The following AP1AR variants were observed in gnomAD, a reference collection of about 807,000 sequenced individuals.
The protein encoded by AP1AR is AP-1 complex-associated regulatory protein.
AP1AR carries 29 observed loss-of-function variants against 46.3 expected under a neutral mutation model. The observed-to-expected ratio is 0.63, with a 90% CI of 0.47 to 0.85. AP1AR has a LOEUF of 0.85. AP1AR is among the 40% of genes least tolerant of loss of function. The pLI is 0.00. For synonymous variants in AP1AR, 122 were observed against 122.9 expected (o/e 0.99, Z 0.05); for missense variants, 357 against 356.3 (o/e 1.00, Z -0.02).
At chr4:112,262,863 GCTTTGTAGAGATCAA>G in intron 5 of AP1AR, 110 bp from the exon 6 acceptor site, 2 of 695,126 alleles carry the variant, frequency 2.9e-6, no homozygotes, top group Non-Finnish European at 5.0e-6. Flanking sequence ...ATTCTGTTAT[GCTTTGTAGAGATCAA>G]TTATTTTTTA....
intron 1 of AP1AR, among the ~76,000 whole-genome samples, chr4:112,244,339 G>A (rs1339072934): frequency 3.9e-5 from 6 of 152,144 alleles, no homozygotes; most frequent in Non-Finnish European, 8.8e-5. Context: ...AAATTTTGAA[G>A]AAGGAAACTT....
In AP1AR at chr4:112,265,723, T is replaced by C; in HGVS notation, c.441-11T>C. ...TGAATATATTAAAAAATTATTTCAC[T>C]TTTATTACAGTTCAGGACCAGAAGA... On this transcript the variant is annotated splice_polypyrimidine_tract_variant and intron_variant, in intron 7 of 9. Coordinates refer to ENST00000274000, the MANE Select transcript of AP1AR (RefSeq NM_018569.6). 1 of 1,597,550 alleles carries C rather than the reference T, an allele frequency of 6.3e-7. No homozygotes were observed. The highest frequency in any genetic ancestry group is 1.1e-5 in the South Asian group (1 of 89,568).
rs2110493069 is a variant in AP1AR at position 112,264,992 on chromosome 4, A to G, written c.382-17A>G. 1 of 1,583,376 alleles carries G rather than the reference A, an allele frequency of 6.3e-7. No individual in the cohort carries two copies. Among genetic ancestry groups the G allele is most frequent in the Admixed American group, 1.9e-5 (1 of 53,986 alleles). ...TTACAACAGAGTGATTTTTTTTATT[A>G]CATTATGTTTCCAAAGCAAGAAAGG... On this transcript the variant is annotated splice_polypyrimidine_tract_variant and intron_variant, in intron 6 of 9. Transcript: ENST00000274000.
intron 9 of AP1AR, among the ~76,000 whole-genome samples, chr4:112,267,309 G>C (rs754349299): frequency 1.3e-5 from 2 of 151,866 alleles, no homozygotes; most frequent in Non-Finnish European, 2.9e-5. Context: ...TTTTAATTCT[G>C]TTACCAATGT....
intron 1 of AP1AR, among the ~76,000 whole-genome samples, chr4:112,243,701 T>C (rs1336035585): frequency 6.6e-6 from 1 of 152,186 alleles, no homozygotes; most frequent in Non-Finnish European, 1.5e-5. Context: ...ATTTAGATCA[T>C]TTCCAACTTC....
At chr4:112,255,740 G>C (rs977039924) in intron 3 of AP1AR, among the ~76,000 whole-genome samples, 2 of 152,206 alleles carry the variant, frequency 1.3e-5, no homozygotes, top group Non-Finnish European at 2.9e-5. Context: ...AAATACAGAA[G>C]TGTTAAAAAT....
chr4:112,237,540 C>T (rs1427388281), intron 1 of AP1AR, among the ~76,000 whole-genome samples: 2 of 152,088 alleles, frequency 1.3e-5, no homozygotes, highest in Admixed American at 6.5e-5. Context: ...TTATTAAAAC[C>T]TCCACCTCCC....
chr4:112,262,215 G>A (rs898458817), intron 5 of AP1AR, among the ~76,000 whole-genome samples: 2 of 152,176 alleles, frequency 1.3e-5, no homozygotes, highest in Admixed American at 6.5e-5. Context: ...TCTGGAGGCT[G>A]AGGTGGGAGA....
At chr4:112,233,199 A>G (rs1295376458) in intron 1 of AP1AR, among the ~76,000 whole-genome samples, 2 of 152,224 alleles carry the variant, frequency 1.3e-5, no homozygotes, top group Non-Finnish European at 2.9e-5. Context: ...ATTGCAGTAA[A>G]TGATCATAAT....
rs1560601852 is a variant in AP1AR, at chr4:112,239,946, TA to T, written c.83+7773del. On this transcript the variant is annotated intron_variant, in intron 1 of 9. Coordinates refer to ENST00000274000, the MANE Select transcript of AP1AR (RefSeq NM_018569.6). ...GAGTGAATAGACTATCAAGTGGGTC[TA>T]CCCACATATATTCCTGACCTTTTCC... Among the ~76,000 whole-genome samples the T allele has an allele frequency of 3.3e-5, 5 of 152,264 alleles. No homozygotes were observed. The South Asian group carries it at 1.0e-3, about 31-fold the overall frequency.
intron 1 of AP1AR, among the ~76,000 whole-genome samples, chr4:112,245,156 A>G (rs1438013379): frequency 1.3e-5 from 2 of 152,178 alleles, no homozygotes; most frequent in African/African-American, 4.8e-5. Context: ...CACCAGATTT[A>G]TATACTCCTA....
In AP1AR at chr4:112,266,593, T is replaced by C; in HGVS notation, c.520T>C (p.Ser174Pro). The C allele has an allele frequency of 1.2e-6, 2 of 1,609,646 alleles. No individual in the cohort carries two copies. The highest frequency in any genetic ancestry group is 1.7e-6 in the Non-Finnish European group (2 of 1,177,292). The change falls in exon 9 of 10, where the codon TCA becomes CCA. Residue 174 changes from serine to proline, a missense_variant. By Grantham distance (74) the Ser-to-Pro change is moderately conservative. This residue lies in a region of AP1AR where 269 missense variants were observed against 223.6 expected (regional missense o/e 1.20). Transcript: ENST00000274000. ...GTATTTCGTGTATATTCTAGGACTC[T>C]CATCAGATGCTACAGTTTTGACACC... is the stretch of plus-strand genomic sequence containing the variant. ...QYEVFRSSRL[S>P]SDATVLTPNT...
chr4:112,255,579 ATTC>A (rs1050021961), intron 3 of AP1AR, among the ~76,000 whole-genome samples: 1 of 152,156 alleles, frequency 6.6e-6, no homozygotes, highest in Admixed American at 6.5e-5. Flanking sequence ...GAGTAGGCCT[ATTC>A]TTTATAGTTT....
rs1202553742 is a variant in AP1AR, at chr4:112,253,199, C to G, written c.84-9C>G. ...GTGTTTTTTAAAGTTATTCTGTTTTCCTTCCCAGATCCAAGTATTTTAGAA... is the reference window on the plus strand; with the variant it reads ...GTGTTTTTTAAAGTTATTCTGTTTTGCTTCCCAGATCCAAGTATTTTAGAA... On this transcript the variant is annotated splice_polypyrimidine_tract_variant and intron_variant, in intron 1 of 9. Coordinates refer to ENST00000274000, the MANE Select transcript of AP1AR (RefSeq NM_018569.6). 6.2e-7 allele frequency: 1 copy of G among 1,605,286 alleles called. No individual in the cohort carries two copies. Among genetic ancestry groups the G allele is most frequent in the Admixed American group, 1.7e-5 (1 of 58,802 alleles).
chr4:112,238,134 C>T (rs1412870746), intron 1 of AP1AR, among the ~76,000 whole-genome samples: 1 of 152,270 alleles, frequency 6.6e-6, no homozygotes, highest in Non-Finnish European at 1.5e-5. Flanking sequence ...TTGCCAACTC[C>T]TGGTACCATA....
At position 112,244,947 on chromosome 4, in the gene AP1AR, A is replaced by G. The variant is rs578174641; in HGVS notation, c.84-8261A>G. Among the ~76,000 whole-genome samples, 13 of 152,328 alleles carry G rather than the reference A, an allele frequency of 8.5e-5. No individual in the cohort carries two copies. In the South Asian group the frequency reaches 2.7e-3, roughly 32 times the overall value. On this transcript the variant is annotated intron_variant, in intron 1 of 9. Transcript: ENST00000274000. ...CTTATTTTTAAGCAATTATGTTTGC[A>G]TAATAGAATCTTAGATTGTTCTGTA...
chr4:112,250,105 C>T (rs982390663), intron 1 of AP1AR, among the ~76,000 whole-genome samples: 7 of 152,166 alleles, frequency 4.6e-5, no homozygotes, highest in Non-Finnish European at 8.8e-5. Flanking sequence ...TTGAGTACTT[C>T]CATTCCTTTC....
At chr4:112,259,460 G>T (rs1726347152) in intron 4 of AP1AR, among the ~76,000 whole-genome samples, 2 of 152,144 alleles carry the variant, frequency 1.3e-5, no homozygotes, top group African/African-American at 4.8e-5. Flanking sequence ...TTGTTGTGAG[G>T]ATTACAATTT....
intron 5 of AP1AR, among the ~76,000 whole-genome samples, chr4:112,261,449 A>T (rs1433581890): frequency 6.6e-6 from 1 of 152,100 alleles, no homozygotes; most frequent in East Asian, 1.9e-4. Context: ...AAACAACAAC[A>T]AAAGCAAATT....
Sources: gnomAD v4.1 joint callset for allele counts (sites outside exome capture counted in the v4.1 genomes callset) on GRCh38, gnomAD v4.1.1 for gene constraint, gnomAD v4.1.1 regional missense constraint, MANE v1.5 for transcripts, NCBI Gene and HGNC (gene_info 2026-07-23, HGNC 2026-07-21) for gene names.